TADA2A: variants seen among roughly 807,000 people sequenced by gnomAD.
The protein encoded by TADA2A is transcriptional adaptor 2A, also known as transcriptional adapter 2-alpha.
In TADA2A, 38 loss-of-function variants were observed where a neutral mutation model predicts 67.4. The observed-to-expected ratio is 0.56, with a 90% CI of 0.44 to 0.74. TADA2A has a LOEUF of 0.74. Among genes scored for constraint, TADA2A ranks in the 30% least tolerant of loss-of-function variants. TADA2A has a pLI of 0.00. For missense variants in TADA2A, 454 were observed against 547.0 expected (o/e 0.83, Z 1.70); for synonymous variants, 192 against 181.6 (o/e 1.06, Z -0.46).
At chr17:37,474,729 T>C in intron 15 of TADA2A, 100 bp downstream of exon 15, 4 of 1,278,930 alleles carry the variant, frequency 3.1e-6, no homozygotes, top group Middle Eastern at 1.9e-4. Flanking sequence ...TTTTGTTTCA[T>C]TCATCTAACA....
At chr17:37,408,492 C>T (rs2051730035) in intron 1 of TADA2A, 1 of 152,286 alleles carries the variant, frequency 6.6e-6, no homozygotes, top group Non-Finnish European at 1.5e-5. Flanking sequence ...TTCAGGTGAT[C>T]TGCCTGCCTC....
rs1200288414 is a variant in TADA2A, at chr17:37,444,720, G to T, written c.556G>T (p.Asp186Tyr). 2.5e-6 allele frequency: 4 copies of T among 1,613,958 alleles called. No individual in the cohort carries two copies. The highest frequency in any genetic ancestry group is 3.4e-6 in the Non-Finnish European group (4 of 1,180,020). The change falls in exon 8 of 16, where the codon GAC (aspartate) becomes TAC (tyrosine). Residue 186 changes from aspartate (D) to tyrosine (Y), a missense_variant. Transcript: ENST00000615182. Reference protein sequence around the residue: ...IEEFDNYAEWDLRDIDFVEDD... With the variant: ...IEEFDNYAEWYLRDIDFVEDD... ...GGAATTTGACAATTATGCAGAATGG[G>T]ACTTGAGAGACATTGATTTTGTTGA...
In TADA2A at chr17:37,458,548, T is replaced by C. The variant is rs749593690; in HGVS notation, c.629T>C (p.Ile210Thr). The C allele has an allele frequency of 6.2e-7, 1 of 1,613,020 alleles. No individual in the cohort carries two copies. Among genetic ancestry groups the C allele is most frequent in the Non-Finnish European group, 8.5e-7 (1 of 1,179,530 alleles). Reference protein sequence around the residue: ...LHALKMAVVDIYHSRLKERQR... With the variant: ...LHALKMAVVDTYHSRLKERQR... ...GCTCTGAAGATGGCTGTGGTAGATA[T>C]CTATCATTCCAGGTTAAAGGAGAGA... Residue 210 changes from isoleucine (I) to threonine (T), a missense_variant, in exon 9 of 16, where the codon ATC (isoleucine) becomes ACC (threonine). Physicochemically the swap from Ile to Thr is moderately conservative, Grantham distance 89. Around this residue, in one of 2 missense-constraint regions of TADA2A, gnomAD observed 403 missense variants for 455.5 expected, o/e 0.88. Transcript: ENST00000615182.
Position 37,476,957 on chromosome 17 carries a change from G to T in TADA2A, c.1307G>T (p.Arg436Ile). Reference protein sequence around the residue: ...KTRKIYDFLIREGYITKG With the variant: ...KTRKIYDFLIIEGYITKG ...CGGAAAATCTATGATTTCCTCATCA[G>T]AGAAGGATACATCACTAAAGGCTAA... The change falls in exon 16 of 16, where the codon AGA (arginine) becomes ATA (isoleucine). Residue 436 changes from arginine to isoleucine, a missense_variant. Transcript: ENST00000615182. 1 of 1,613,586 alleles carries T rather than the reference G, an allele frequency of 6.2e-7. No individual in the cohort carries two copies. The highest frequency in any genetic ancestry group is 8.5e-7 in the Non-Finnish European group (1 of 1,179,630).
intron 12 of TADA2A, 110 bp from the exon 13 acceptor site, chr17:37,470,290 A>G: frequency 7.4e-7 from 1 of 1,353,698 alleles, no homozygotes; most frequent in Non-Finnish European, 1.0e-6. Flanking sequence ...CAGTTTTGCA[A>G]AGGAAACAGA....
chr17:37,441,096 TAAA>T (rs34338887), intron 6 of TADA2A, among the ~76,000 whole-genome samples: 13 of 132,062 alleles, frequency 9.8e-5, no homozygotes, highest in Admixed American at 2.3e-4. Flanking sequence ...CTTCATCTCT[TAAA>T]AAAAAAAAAA....
At position 37,458,640 on chromosome 17, in the gene TADA2A, TGTGTGTGTGTG is replaced by T. The variant is rs2053464210; in HGVS notation, c.668+54_668+64del. On this transcript the variant is annotated intron_variant, in intron 9 of 15. Transcript: ENST00000615182. ...CTTTCAGCTTTGGATTATTGTTTTGTGTGTGTGTGTGTGTGTGTGTGTGTGTGTGTGTGTCT... is the reference window on the plus strand; with the variant it reads ...CTTTCAGCTTTGGATTATTGTTTTGTTGTGTGTGTGTGTGTGTGTGTGTCT... 1.1e-4 allele frequency: 39 copies of T among 342,178 alleles called. No individual in the cohort carries two copies. The East Asian group carries it at 2.8e-3, about 25-fold the overall frequency. The allele number at this position is 342,178 out of a possible 1,614,324, so 21.2% of individuals were successfully genotyped here.
Position 37,476,828 on chromosome 17 carries a change from C to T in TADA2A, c.1178C>T (p.Ala393Val). 1 of 1,613,672 alleles carries T rather than the reference C, an allele frequency of 6.2e-7. No individual in the cohort carries two copies. ...CAGATGGTGAGGTTGGTCCCTGGAGCCTATTTAGAATACAAATCTGCTCTA... is the reference window on the plus strand; with the variant it reads ...CAGATGGTGAGGTTGGTCCCTGGAGTCTATTTAGAATACAAATCTGCTCTA... ...LCQMVRLVPG[A>V]YLEYKSALLN... Residue 393 changes from alanine to valine, a missense_variant, in exon 16 of 16, where the codon GCC becomes GTC. By Grantham distance (64) the Ala-to-Val change is moderately conservative. This residue lies in a region of TADA2A where 51 missense variants were observed against 91.5 expected (regional missense o/e 0.56). Coordinates refer to ENST00000615182, the MANE Select transcript of TADA2A (RefSeq NM_001166105.3).
chr17:37,467,014 G>A (rs2053678412), intron 11 of TADA2A, among the ~76,000 whole-genome samples: 3 of 152,050 alleles, frequency 2.0e-5, no homozygotes, highest in East Asian at 1.9e-4. Flanking sequence ...AAAATTAGCC[G>A]GGTGTGGTGG....
At chr17:37,446,661 C>T (rs2053091663) in intron 8 of TADA2A, among the ~76,000 whole-genome samples, 2 of 151,696 alleles carry the variant, frequency 1.3e-5, no homozygotes, top group African/African-American at 2.4e-5. Flanking sequence ...CCTCCTCCTC[C>T]CTGCTTTTTA....
chr17:37,441,362 G>A (rs1305176296), intron 6 of TADA2A, among the ~76,000 whole-genome samples: 1 of 152,068 alleles, frequency 6.6e-6, no homozygotes, highest in Non-Finnish European at 1.5e-5. Context: ...GAGTTGCTTA[G>A]AGAATACAGT....
intron 2 of TADA2A, 112 bp downstream of exon 2, chr17:37,411,502 A>C (rs1179261301): frequency 3.0e-6 from 3 of 1,007,826 alleles, no homozygotes; most frequent in Non-Finnish European, 4.6e-6. Context: ...GGCTCACTGC[A>C]ACTTCTGCCT....
Position 37,462,093 on chromosome 17 carries a change from T to C in TADA2A, c.684T>C (p.His228=). 1.3e-6 allele frequency: 2 copies of C among 1,573,640 alleles called. No homozygotes were observed. Among genetic ancestry groups the C allele is most frequent in the Non-Finnish European group, 8.7e-7 (1 of 1,152,436 alleles). The change falls in exon 10 of 16, where the codon CAT becomes CAC. Residue 228 remains histidine (H), a synonymous_variant. Transcript: ENST00000615182. The stretch of plus-strand genomic sequence containing the variant: ...TTCATTCTAGAATTATAAGAGACCA[T>C]GGATTAATCAACCTTAGAAAGTTTC... The part of the protein sequence containing the change: ...RQRRKKIIRD[H]GLINLRKFQL...
At chr17:37,412,438 A>C (rs190768129) in intron 2 of TADA2A, among the ~76,000 whole-genome samples, 2 of 152,222 alleles carry the variant, frequency 1.3e-5, no homozygotes. Context: ...AGAATAATTT[A>C]GAGAATTATG....
At chr17:37,471,499 TA>T (rs1156878771) in intron 14 of TADA2A, among the ~76,000 whole-genome samples, 2 of 152,186 alleles carry the variant, frequency 1.3e-5, no homozygotes, top group African/African-American at 4.8e-5. Context: ...TTTATTTTAT[TA>T]TTTTTTATTT....
chr17:37,439,945 A>ATTTATTTT (rs2052859179), intron 5 of TADA2A, among the ~76,000 whole-genome samples: 1 of 94,922 alleles, frequency 1.1e-5, no homozygotes, highest in African/African-American at 5.2e-5. Context: ...TTTATTTATT[A>ATTTATTTT]TTTTTTTTTT....
chr17:37,418,222 CTAGGTCA>C (rs1392059888), intron 2 of TADA2A, among the ~76,000 whole-genome samples: 1 of 152,174 alleles, frequency 6.6e-6, no homozygotes, highest in African/African-American at 2.4e-5. Context: ...GAATTAGCTT[CTAGGTCA>C]TATGAGATTT....
intron 2 of TADA2A, among the ~76,000 whole-genome samples, 177 bp downstream of exon 2, chr17:37,411,567 C>T (rs574486852): frequency 6.6e-5 from 10 of 152,076 alleles, no homozygotes; most frequent in African/African-American, 9.6e-5. Context: ...GGACTACAGG[C>T]GCGCACCACC....
chr17:37,458,661 G>C (rs1597923890), intron 9 of TADA2A, 74 bp downstream of exon 9: 3 of 1,222,554 alleles, frequency 2.5e-6, no homozygotes, highest in East Asian at 2.5e-5. Context: ...GTGTGTGTGT[G>C]TGTGTGTGTG....
Sources: allele counts gnomAD v4.1 joint callset (sites outside exome capture counted in the v4.1 genomes callset), GRCh38; gene constraint gnomAD v4.1.1; regional missense constraint gnomAD v4.1.1; transcripts MANE v1.5; gene names NCBI Gene and HGNC (gene_info 2026-07-23, HGNC 2026-07-21).